The following ADD2 variants were observed in gnomAD, a reference collection of about 807,000 sequenced individuals.
The protein encoded by ADD2 is beta-adducin.
ADD2 carries 23 observed loss-of-function variants against 83.0 expected under a neutral mutation model. The ratio of observed to expected loss-of-function variants is 0.28; its 90% CI spans 0.20 to 0.39. ADD2 has a LOEUF of 0.39. ADD2 is among the 10% of genes least tolerant of loss of function. ADD2 has a pLI of 1.00. For synonymous variants in ADD2, 375 were observed against 375.4 expected (o/e 1.00, Z 0.01); for missense variants, 758 against 944.9 (o/e 0.80, Z 2.59).
Position 70,718,600 on chromosome 2 carries a change from T to C in ADD2, c.-153-5416A>G, listed in dbSNP as rs1330752196. 9.8e-5 allele frequency among the ~76,000 whole-genome samples: 15 copies of C among 152,334 alleles called. No individual in the cohort carries two copies. The East Asian group carries it at 2.9e-3, about 29-fold the overall frequency. Reference sequence around the variant, plus strand: ...AGGACCAAGGTCCTGAGTTAGATCCTGAAGAAAGACATTATTCAATCAACA... The same window carrying C: ...AGGACCAAGGTCCTGAGTTAGATCCCGAAGAAAGACATTATTCAATCAACA... On this transcript the variant is annotated intron_variant, in intron 1 of 15. Transcript: ENST00000264436.
intron 1 of ADD2, among the ~76,000 whole-genome samples, chr2:70,732,347 G>C (rs1484652167): frequency 6.6e-6 from 1 of 152,186 alleles, no homozygotes; most frequent in African/African-American, 2.4e-5. Flanking sequence ...TGAGCTTACA[G>C]TAAGTCCACA....
At chr2:70,724,777 T>C (rs1469666410) in intron 1 of ADD2, among the ~76,000 whole-genome samples, 1 of 152,192 alleles carries the variant, frequency 6.6e-6, no homozygotes, top group African/African-American at 2.4e-5. Flanking sequence ...GTGAGGGAGA[T>C]GTGCTCTACA....
rs868966178 is a variant in ADD2, at chr2:70,695,945, G to A, written c.475-144C>T. Reference sequence around the variant, plus strand: ...CCTTATCTCTCCCCCCCAGCCATAAGAGATAAAAAGAACTCAGCTTTTATT... The same window carrying A: ...CCTTATCTCTCCCCCCCAGCCATAAAAGATAAAAAGAACTCAGCTTTTATT... On this transcript the variant is annotated intron_variant, in intron 5 of 15. Coordinates refer to ENST00000264436, the MANE Select transcript of ADD2 (RefSeq NM_001617.4). 8 of 735,190 alleles carry A rather than the reference G, an allele frequency of 1.1e-5. No homozygotes were observed. The Middle Eastern group carries it at 1.2e-3, about 107-fold the overall frequency. The allele number at this position is 735,190 out of a possible 1,614,324, so 45.5% of individuals were successfully genotyped here. A position where few individuals can be genotyped will look rare whatever the true frequency, so the allele number is the denominator to read the frequency against.
At chr2:70,733,644 C>T (rs1448323636) in intron 1 of ADD2, among the ~76,000 whole-genome samples, 5 of 152,098 alleles carry the variant, frequency 3.3e-5, no homozygotes, top group Non-Finnish European at 5.9e-5. Context: ...TACCTGTTGG[C>T]TAACAAAACA....
intron 1 of ADD2, among the ~76,000 whole-genome samples, chr2:70,716,762 G>A (rs2104423898): frequency 6.6e-6 from 1 of 152,326 alleles, no homozygotes; most frequent in African/African-American, 2.4e-5. Flanking sequence ...AGACCCTGAA[G>A]GGTAAGGTGC....
intron 1 of ADD2, among the ~76,000 whole-genome samples, chr2:70,751,498 AC>A (rs1674506040): frequency 6.6e-6 from 1 of 152,228 alleles, no homozygotes; most frequent in Non-Finnish European, 1.5e-5. Flanking sequence ...TGTGATAGAA[AC>A]TACTAGGACA....
intron 15 of ADD2, among the ~76,000 whole-genome samples, chr2:70,671,641 G>C (rs1262817660): frequency 4.6e-5 from 7 of 152,198 alleles, no homozygotes; most frequent in African/African-American, 1.7e-4. Context: ...GGAAGACATT[G>C]TGGAGACAGG....
At chr2:70,729,655 A>C (rs1253549742) in intron 1 of ADD2, among the ~76,000 whole-genome samples, 2 of 152,194 alleles carry the variant, frequency 1.3e-5, no homozygotes, top group African/African-American at 4.8e-5. Flanking sequence ...TTTAGTTTTA[A>C]TCCAAAAGAA....
intron 1 of ADD2, among the ~76,000 whole-genome samples, chr2:70,749,649 G>A (rs1267126314): frequency 6.6e-6 from 1 of 152,134 alleles, no homozygotes; most frequent in Non-Finnish European, 1.5e-5. Context: ...GGGAATTTCT[G>A]AGAAAGTCTA....
chr2:70,669,298 T>C (rs898261195), intron 15 of ADD2, among the ~76,000 whole-genome samples: 3 of 152,210 alleles, frequency 2.0e-5, no homozygotes, highest in Non-Finnish European at 4.4e-5. Context: ...TCTTCTTTAG[T>C]GTTGTCCTCA....
rs149682789 is a variant in ADD2 at position 70,710,891 on chromosome 2, T to A, written c.-35+2175A>T. 2.5e-3 allele frequency among the ~76,000 whole-genome samples: 379 copies of A among 152,346 alleles called. 2 individuals are homozygous for A. The highest frequency in any genetic ancestry group is 0.017 in the South Asian group (82 of 4,830). ...TGCTATTAACTATTTACTCTTATCA[T>A]GTGTGATTGAGGGGCTTAAGTCATC... On this transcript the variant is annotated intron_variant, in intron 2 of 15. Coordinates refer to ENST00000264436, the MANE Select transcript of ADD2 (RefSeq NM_001617.4).
At chr2:70,767,632 T>C (rs1201291492) in intron 1 of ADD2, 1 of 1,304,750 alleles carries the variant, frequency 7.7e-7, no homozygotes, top group African/African-American at 1.5e-5. Flanking sequence ...CGGGCGAGGG[T>C]CCCACCATCC....
In ADD2 at chr2:70,706,722, G is replaced by A. The variant is rs1671925445; in HGVS notation, c.-34-280C>T. Among the ~76,000 whole-genome samples, 1 of 152,198 alleles carries A rather than the reference G, an allele frequency of 6.6e-6. No individual in the cohort carries two copies. The highest frequency in any genetic ancestry group is 6.5e-5 in the Admixed American group (1 of 15,280). On this transcript the variant is annotated intron_variant, in intron 2 of 15. Transcript: ENST00000264436. The surrounding 1 kb of genome is among the most constrained non-coding windows in gnomAD (Gnocchi z 5.0). ...CCCTTAAATGGTCACACTTGGCTTG[G>A]AGTAGAGAGTTCCCCGAATGGAAAC...
intron 1 of ADD2, among the ~76,000 whole-genome samples, chr2:70,762,031 C>G (rs782395634): frequency 1.3e-5 from 2 of 151,620 alleles, no homozygotes; most frequent in African/African-American, 2.4e-5. Context: ...GAAAATTTCC[C>G]TTTTATCTAA....
chr2:70,735,566 G>C (rs1259455977), intron 1 of ADD2, among the ~76,000 whole-genome samples: 1 of 151,830 alleles, frequency 6.6e-6, no homozygotes, highest in African/African-American at 2.4e-5. Flanking sequence ...CAGCCTGCTT[G>C]CTCTGCCTGC....
intron 2 of ADD2, among the ~76,000 whole-genome samples, chr2:70,711,900 C>T (rs1672196068): frequency 6.6e-6 from 1 of 152,176 alleles, no homozygotes; most frequent in South Asian, 2.1e-4. Flanking sequence ...GACCTGGGGA[C>T]CCCAGTTGTG....
rs192311493 is a variant in ADD2 at position 70,697,120 on chromosome 2, C to A, written c.323-724G>T. The stretch of plus-strand genomic sequence containing the variant: ...GTTGCAGTGCACCACTGCACGCCAG[C>A]CTGGGGACAGAGCGAGACTCCGTCC... On this transcript the variant is annotated intron_variant, in intron 4 of 15. Coordinates refer to ENST00000264436, the MANE Select transcript of ADD2 (RefSeq NM_001617.4). Among the ~76,000 whole-genome samples the A allele has an allele frequency of 1.1e-3, 174 of 152,304 alleles. 1 individual carries two copies. Among genetic ancestry groups the A allele is most frequent in the Non-Finnish European group, 1.6e-3 (109 of 68,024 alleles).
chr2:70,726,187 A>AAAG (rs1672991447), intron 1 of ADD2, among the ~76,000 whole-genome samples: 1 of 29,694 alleles, frequency 3.4e-5, no homozygotes, highest in African/African-American at 3.0e-4. Flanking sequence ...ACTCCATCTC[A>AAAG]AAAAAAAAAA....
At chr2:70,716,046 T>TAA (rs1672449497) in intron 1 of ADD2, among the ~76,000 whole-genome samples, 1 of 152,214 alleles carries the variant, frequency 6.6e-6, no homozygotes, top group East Asian at 1.9e-4. Context: ...TTTAAAGCCC[T>TAA]GCTTTTCCAA....
Sources: allele counts gnomAD v4.1 joint callset (sites outside exome capture counted in the v4.1 genomes callset), GRCh38; gene constraint gnomAD v4.1.1; non-coding constraint Gnocchi (gnomAD v3.1); transcripts MANE v1.5; gene names NCBI Gene and HGNC (gene_info 2026-07-23, HGNC 2026-07-21).